DHTKD1: variants seen among roughly 807,000 people sequenced by gnomAD.
The protein encoded by DHTKD1 is dehydrogenase E1 and transketolase domain containing 1, also known as 2-oxoadipate dehydrogenase complex component E1.
Under a neutral mutation model 101.8 loss-of-function variants are expected in DHTKD1, and 78 were observed. That is an observed-to-expected ratio of 0.77 (90% confidence interval 0.64 to 0.93). DHTKD1 has a LOEUF of 0.93. Among genes scored for constraint, DHTKD1 ranks in the 40% least tolerant of loss-of-function variants. The pLI is 0.00. For synonymous variants in DHTKD1, 462 were observed against 450.3 expected, an observed-to-expected ratio of 1.03 and a Z score of -0.33; for missense variants, 1,223 against 1,161.7, an observed-to-expected ratio of 1.05 and a Z score of -0.77.
rs1399609087 is a variant in DHTKD1, at chr10:12,120,170, C to G, written c.2573-12C>G. ...TCTACTTGAGGTGCTGAAAGAATTT[C>G]TTCTCTCATAGATCATATTTGGAGT... is the stretch of plus-strand genomic sequence containing the variant. On this transcript the variant is annotated splice_polypyrimidine_tract_variant and intron_variant, in intron 15 of 16. Transcript: ENST00000263035. The G allele has an allele frequency of 1.6e-5, 26 of 1,604,650 alleles. No homozygotes were observed. Among genetic ancestry groups the G allele is most frequent in the Non-Finnish European group, 2.0e-5 (24 of 1,172,138 alleles).
rs1483863326 is a variant in DHTKD1, at chr10:12,110,466, C to T, written c.2155-2434C>T. 1.3e-5 allele frequency among the ~76,000 whole-genome samples: 2 copies of T among 151,902 alleles called. No individual in the cohort carries two copies. The highest frequency in any genetic ancestry group is 2.9e-5 in the Non-Finnish European group (2 of 67,998). ...TCAGGTAAGCCAAAAGATCGGACACCCCTGATTCCTGATTCTAGAGAAAGG... is the reference window on the plus strand; with the variant it reads ...TCAGGTAAGCCAAAAGATCGGACACTCCTGATTCCTGATTCTAGAGAAAGG... On this transcript the variant is annotated intron_variant, in intron 12 of 16. Coordinates refer to ENST00000263035, the MANE Select transcript of DHTKD1 (RefSeq NM_018706.7). The surrounding 1 kb of genome is among the most constrained non-coding windows in gnomAD (Gnocchi z 4.9).
chr10:12,074,528 T>TG (rs1832697105), intron 1 of DHTKD1, among the ~76,000 whole-genome samples: 2 of 151,554 alleles, frequency 1.3e-5, no homozygotes, highest in East Asian at 4.0e-4. Flanking sequence ...GCTAATTTTT[T>TG]GTTTTTTTTT....
At chr10:12,081,718 A>G in intron 2 of DHTKD1, 91 bp downstream of exon 2, 1 of 1,470,230 alleles carries the variant, frequency 6.8e-7, no homozygotes, top group Non-Finnish European at 9.4e-7. Context: ...TCCCCACTGG[A>G]GCTGAGGCTC....
intron 12 of DHTKD1, among the ~76,000 whole-genome samples, chr10:12,112,091 G>T (rs557593240): frequency 6.6e-6 from 1 of 152,046 alleles, no homozygotes; most frequent in Non-Finnish European, 1.5e-5. Context: ...GAGGCGGGAG[G>T]ATCGCTTGAA....
intron 15 of DHTKD1, among the ~76,000 whole-genome samples, chr10:12,119,574 C>T (rs1238714129): frequency 2.7e-5 from 4 of 146,640 alleles, no homozygotes; most frequent in East Asian, 4.0e-4. Flanking sequence ...CGAGATTGCG[C>T]TACTGCACTC....
chr10:12,114,832 G>C (rs1833389635), intron 13 of DHTKD1, among the ~76,000 whole-genome samples: 1 of 151,842 alleles, frequency 6.6e-6, no homozygotes, highest in South Asian at 2.1e-4. Context: ...GTCTCGCTCT[G>C]TCGCCCAGGC....
At chr10:12,096,915 C>G (rs1833079531) in intron 7 of DHTKD1, among the ~76,000 whole-genome samples, 1 of 152,094 alleles carries the variant, frequency 6.6e-6, no homozygotes, top group Non-Finnish European at 1.5e-5. Flanking sequence ...GTGGGTCAGT[C>G]TTGGAAATAA....
chr10:12,094,612 C>A (rs1414022926), intron 7 of DHTKD1, among the ~76,000 whole-genome samples: 1 of 152,202 alleles, frequency 6.6e-6, no homozygotes, highest in African/African-American at 2.4e-5. Flanking sequence ...GCTGGGATTA[C>A]AGGCATGAGC....
rs1449192821 is a variant in DHTKD1, at chr10:12,121,036, A to C, written c.*148A>C. The C allele has an allele frequency of 8.7e-6, 5 of 572,040 alleles. No individual in the cohort carries two copies. Among genetic ancestry groups the C allele is most frequent in the Non-Finnish European group, 1.6e-5 (5 of 320,740 alleles). The allele number at this position is 572,040 out of a possible 1,614,324, so 35.4% of individuals were successfully genotyped here. A position where few individuals can be genotyped will look rare whatever the true frequency, so the allele number is the denominator to read the frequency against. On this transcript the variant is annotated 3_prime_UTR_variant, in exon 17 of 17. Coordinates refer to ENST00000263035, the MANE Select transcript of DHTKD1 (RefSeq NM_018706.7). ...GGAGTTCGAGACCAGCCTGGCCAAC[A>C]CGGTGAAACCCCGCCTCTACTAAAA...
In DHTKD1 at chr10:12,069,202, C is replaced by T. The variant is rs933717804; in HGVS notation, c.154+15C>T. ...GCGCCCCCCAGGTCGGGGATGGGGC[C>T]CGGGCGGTGGGAGCGGGGGCTGGGA... On this transcript the variant is annotated intron_variant, in intron 1 of 16. Coordinates refer to ENST00000263035, the MANE Select transcript of DHTKD1 (RefSeq NM_018706.7). The T allele has an allele frequency of 1.3e-6, 2 of 1,534,432 alleles. No individual in the cohort carries two copies. The highest frequency in any genetic ancestry group is 2.8e-5 in the African/African-American group (2 of 71,548).
In DHTKD1 at chr10:12,117,769, C is replaced by G; in HGVS notation, c.2402+14C>G. ...GGATCCAAAAAAGTAAGATATGTAT[C>G]TCTGTTTTCATATTCTGTGGCAGAA... On this transcript the variant is annotated intron_variant, in intron 14 of 16. Coordinates refer to ENST00000263035, the MANE Select transcript of DHTKD1 (RefSeq NM_018706.7). 1.3e-6 allele frequency: 2 copies of G among 1,491,030 alleles called. No homozygotes were observed. The highest frequency in any genetic ancestry group is 1.9e-6 in the Non-Finnish European group (2 of 1,077,578). 92.4% of individuals were successfully genotyped at this position (1,491,030 alleles called of 1,614,324 possible).
chr10:12,094,167 G>A lies in DHTKD1; in HGVS notation c.1254G>A (p.Gln418=). The change falls in exon 7 of 17, where the codon CAG becomes CAA. Residue 418 remains glutamine (Q), a synonymous_variant. Transcript: ENST00000263035. ...GACTGGCTTTTGAATACCAACGCCA[G>A]TTCCGCAAGGATGTGATTATTGATC... The part of the protein sequence containing the change: ...ATRLAFEYQR[Q]FRKDVIIDLL... 6.2e-7 allele frequency: 1 copy of A among 1,614,164 alleles called. No homozygotes were observed. Among genetic ancestry groups the A allele is most frequent in the South Asian group, 1.1e-5 (1 of 91,084 alleles).
Position 12,069,131 on chromosome 10 carries a change from A to G in DHTKD1, c.98A>G (p.Tyr33Cys), listed in dbSNP as rs1832610571. 5.6e-6 allele frequency: 9 copies of G among 1,595,448 alleles called. No homozygotes were observed. The African/African-American group carries it at 8.1e-5, about 14-fold the overall frequency. The part of the protein sequence containing the change: ...GYQTERGVYG[Y>C]RPRKPESREP... The stretch of plus-strand genomic sequence containing the variant: ...CAGACCGAGCGGGGCGTTTACGGCT[A>G]CCGGCCGAGGAAGCCCGAGAGCCGC... Residue 33 changes from tyrosine to cysteine, a missense_variant, in exon 1 of 17, where the codon TAC becomes TGC. Physicochemically the swap from Tyr to Cys is radical, Grantham distance 194. Transcript: ENST00000263035.
Position 12,091,638 on chromosome 10 carries a change from C to A in DHTKD1, c.1113C>A (p.Thr371=), listed in dbSNP as rs191543372. ...HLIVNNQLGY[T]TPAERGRSSL... ...TTGTTAATAACCAGCTGGGTTACAC[C>A]ACTCCAGCTGAAAGAGGAAGGTCTT... The change falls in exon 6 of 17, where the codon ACC becomes ACA. Residue 371 remains threonine, a synonymous_variant. Coordinates refer to ENST00000263035, the MANE Select transcript of DHTKD1 (RefSeq NM_018706.7). The A allele has an allele frequency of 1.4e-5, 23 of 1,613,736 alleles. No individual in the cohort carries two copies. The Admixed American group carries it at 3.2e-4, about 22-fold the overall frequency.
At chr10:12,096,954 ACT>A (rs899451124) in intron 7 of DHTKD1, among the ~76,000 whole-genome samples, 1 of 151,730 alleles carries the variant, frequency 6.6e-6, no homozygotes, top group African/African-American at 2.4e-5. Context: ...TCATAGAAAA[ACT>A]CTGTTAATTA....
chr10:12,098,065 G>T, intron 8 of DHTKD1, 69 bp downstream of exon 8: 1 of 1,404,376 alleles, frequency 7.1e-7, no homozygotes. Context: ...ACGTTGGTCT[G>T]GTGTTTTCAG....
chr10:12,081,711 C>G (rs1832822637), intron 2 of DHTKD1, 84 bp downstream of exon 2: 1 of 1,515,140 alleles, frequency 6.6e-7, no homozygotes, highest in South Asian at 1.2e-5. Context: ...AGCAGCATCC[C>G]CACTGGAGCT....
intron 1 of DHTKD1, among the ~76,000 whole-genome samples, chr10:12,074,802 A>C (rs1832701568): frequency 6.6e-6 from 1 of 151,860 alleles, no homozygotes; most frequent in Admixed American, 6.6e-5. Context: ...TGGGAGGCAG[A>C]GGTGGTATAA....
chr10:12,099,239 C>CT (rs1308193445), intron 8 of DHTKD1, among the ~76,000 whole-genome samples: 6 of 151,648 alleles, frequency 4.0e-5, no homozygotes, highest in African/African-American at 1.5e-4. Context: ...GGTACAGAGA[C>CT]TATTACAACA....
Sources: allele counts gnomAD v4.1 joint callset (sites outside exome capture counted in the v4.1 genomes callset), GRCh38; gene constraint gnomAD v4.1.1; non-coding constraint Gnocchi (gnomAD v3.1); transcripts MANE v1.5; gene names NCBI Gene and HGNC (gene_info 2026-07-23, HGNC 2026-07-21).